Variants in HTR2C observed in about 807,000 individuals in gnomAD.
The protein encoded by HTR2C is 5-hydroxytryptamine (serotonin) receptor 2C, G protein-coupled.
HTR2C carries 5 observed loss-of-function variants against 21.0 expected under a neutral mutation model. The observed-to-expected ratio is 0.24, with a 90% confidence interval of 0.12 to 0.50. The LOEUF is 0.50. HTR2C is among the 20% of genes least tolerant of loss of function. The pLI is 0.98. For missense variants in HTR2C, 271 were observed against 371.2 expected, an observed-to-expected ratio of 0.73 and a Z score of 2.22; for synonymous variants, 150 against 145.3, an observed-to-expected ratio of 1.03 and a Z score of -0.23.
intron 2 of HTR2C, among the ~76,000 whole-genome samples, chrX:114,702,627 C>T (rs1483867511): frequency 2.7e-5 from 3 of 111,273 alleles, no homozygotes; most frequent in African/African-American, 6.5e-5. Context: ...TAAAGACCAT[C>T]GAGGCTAGGA....
chrX:114,805,411 T>TTA (rs2070392573), intron 4 of HTR2C, among the ~76,000 whole-genome samples: 1 of 105,192 alleles, frequency 9.5e-6, no homozygotes, highest in Non-Finnish European at 2.0e-5. Context: ...CACCCCTTTT[T>TTA]TTTTTTTTTT....
chrX:114,808,210 G>A (rs1285791282), intron 4 of HTR2C, among the ~76,000 whole-genome samples: 1 of 110,663 alleles, frequency 9.0e-6, no homozygotes, highest in Non-Finnish European at 1.9e-5. Flanking sequence ...ATTTATAAGC[G>A]AGAACATGTG....
At chrX:114,685,072 C>T (rs1008280316) in intron 2 of HTR2C, among the ~76,000 whole-genome samples, 1 of 110,710 alleles carries the variant, frequency 9.0e-6, no homozygotes, top group Non-Finnish European at 1.9e-5. Context: ...TTTTAGTGAC[C>T]TTCAAATTTG....
chrX:114,725,588 C>T (rs782065562), intron 2 of HTR2C, among the ~76,000 whole-genome samples: 84 of 112,127 alleles, frequency 7.5e-4, no homozygotes, highest in Non-Finnish European at 8.5e-4. Flanking sequence ...GGAGGAGAGG[C>T]GCTCTGCATT....
At chrX:114,734,201 A>G (rs1025884618) in intron 4 of HTR2C, among the ~76,000 whole-genome samples, 3 of 111,494 alleles carry the variant, frequency 2.7e-5, no homozygotes, top group Non-Finnish European at 5.7e-5. Flanking sequence ...TAGAAGAAAA[A>G]CAGATTACCA....
intron 2 of HTR2C, among the ~76,000 whole-genome samples, chrX:114,682,511 G>T (rs1044468766): frequency 2.6e-4 from 29 of 110,719 alleles, no homozygotes; most frequent in African/African-American, 9.5e-4. Flanking sequence ...CTCTTTTTAG[G>T]ATTTCAAAGT....
intron 1 of HTR2C, among the ~76,000 whole-genome samples, chrX:114,601,280 G>A (rs943204892): frequency 5.4e-5 from 6 of 111,004 alleles, no homozygotes; most frequent in Non-Finnish European, 9.4e-5. Flanking sequence ...TTTCATGTGC[G>A]TCCCTGTGAA....
rs782451265 is a variant in HTR2C, at chrX:114,606,378, G to A, written c.-146-7437G>A. 5.1e-3 allele frequency among the ~76,000 whole-genome samples: 565 copies of A among 111,682 alleles called. 8 individuals carry two copies. The highest frequency in any genetic ancestry group is 0.017 in the African/African-American group (537 of 30,739). ...CTTAAGGTGAAGGATCAAGGCAGGCGTCCCTGCGTGGTCTGACACCCTTGA... is the reference window on the plus strand; with the variant it reads ...CTTAAGGTGAAGGATCAAGGCAGGCATCCCTGCGTGGTCTGACACCCTTGA... On this transcript the variant is annotated intron_variant, in intron 1 of 5. Coordinates refer to ENST00000276198, the MANE Select transcript of HTR2C (RefSeq NM_000868.4).
intron 2 of HTR2C, among the ~76,000 whole-genome samples, chrX:114,660,079 G>A (rs1427784493): frequency 8.9e-6 from 1 of 112,066 alleles, no homozygotes; most frequent in Non-Finnish European, 1.9e-5. Context: ...TAAAATCGGT[G>A]TATCTATTTA....
chrX:114,591,533 A>G (rs1449183371), intron 1 of HTR2C, among the ~76,000 whole-genome samples: 1 of 111,605 alleles, frequency 9.0e-6, no homozygotes, highest in Non-Finnish European at 1.9e-5. Flanking sequence ...TTGGAGGATT[A>G]TTACCCACCT....
At chrX:114,726,383 G>A (rs1352170842) in intron 2 of HTR2C, among the ~76,000 whole-genome samples, 1 of 112,135 alleles carries the variant, frequency 8.9e-6, no homozygotes, top group Non-Finnish European at 1.9e-5. Flanking sequence ...CTCGCGCACG[G>A]TGCGTGCACC....
chrX:114,787,820 G>A (rs967435006), intron 4 of HTR2C, among the ~76,000 whole-genome samples: 8 of 109,073 alleles, frequency 7.3e-5, no homozygotes, highest in Non-Finnish European at 1.1e-4. Context: ...GGTGGCAGGC[G>A]CCTGTAGTCC....
At chrX:114,611,461 A>C (rs1001977587) in intron 1 of HTR2C, among the ~76,000 whole-genome samples, 4 of 112,239 alleles carry the variant, frequency 3.6e-5, no homozygotes, top group African/African-American at 6.5e-5. Context: ...ATTGCTATTA[A>C]TTTTGTACGT....
intron 2 of HTR2C, among the ~76,000 whole-genome samples, chrX:114,616,287 A>T (rs1041961611): frequency 1.5e-4 from 16 of 103,719 alleles, no homozygotes; most frequent in Non-Finnish European, 3.0e-4. Context: ...TTTTATTTTT[A>T]TTTATTTATT....
chrX:114,818,986 G>A (rs1444672068), intron 4 of HTR2C, among the ~76,000 whole-genome samples: 2 of 111,004 alleles, frequency 1.8e-5, no homozygotes, highest in African/African-American at 6.6e-5. Flanking sequence ...ACTCCAATGT[G>A]CATTTATTTG....
At chrX:114,850,663 G>A (rs2070909710) in intron 5 of HTR2C, among the ~76,000 whole-genome samples, 1 of 110,537 alleles carries the variant, frequency 9.0e-6, no homozygotes, top group Non-Finnish European at 1.9e-5. Flanking sequence ...GCAACACTTT[G>A]TCTCTACAAA....
chrX:114,763,618 T>C (rs999057170), intron 4 of HTR2C, among the ~76,000 whole-genome samples: 1 of 111,496 alleles, frequency 9.0e-6, no homozygotes, highest in South Asian at 3.8e-4. Context: ...CCTTAATTCC[T>C]GTCCTCAGGC....
intron 1 of HTR2C, among the ~76,000 whole-genome samples, chrX:114,609,210 A>AT (rs368782904): frequency 9.0e-6 from 1 of 110,998 alleles, no homozygotes; most frequent in African/African-American, 3.3e-5. Context: ...ATAAAATCTG[A>AT]TTTTTTTATT....
chrX:114,831,371 CTT>C, intron 4 of HTR2C, among the ~76,000 whole-genome samples: 1 of 87,830 alleles, frequency 1.1e-5, no homozygotes, highest in Non-Finnish European at 2.3e-5. Flanking sequence ...TGTTTCCTGA[CTT>C]TTTAATGATT....
Sources: gnomAD v4.1 joint callset for allele counts (sites outside exome capture counted in the v4.1 genomes callset) on GRCh38, gnomAD v4.1.1 for gene constraint, MANE v1.5 for transcripts, NCBI Gene and HGNC (gene_info 2026-07-23, HGNC 2026-07-21) for gene names.